Variants in SH3TC2 observed in about 807,000 individuals in gnomAD.
SH3TC2 encodes the protein SH3 domain and tetratricopeptide repeat-containing protein 2.
A neutral mutation model predicts 124.5 loss-of-function variants in SH3TC2; 87 were observed. The observed-to-expected ratio is 0.70, with a 90% confidence interval of 0.59 to 0.84. The LOEUF (loss-of-function observed/expected upper bound fraction) is 0.84, where lower values mean the gene tolerates loss of function less well. Ranked by LOEUF, SH3TC2 falls within the 40% of genes least tolerant of loss-of-function variation. The pLI is 0.00. For missense variants in SH3TC2, 1,536 were observed against 1,566.4 expected, an observed-to-expected ratio of 0.98 and a Z score of 0.33; for synonymous variants, 634 against 628.5, an observed-to-expected ratio of 1.01 and a Z score of -0.13.
At chr5:149,045,372 AT>A (rs1754441280) in intron 3 of SH3TC2, 1 of 152,160 alleles carries the variant, frequency 6.6e-6, no homozygotes, top group South Asian at 2.1e-4. Context: ...AATTATTATC[AT>A]TTTCTTATGG....
chr5:148,988,250 T>C lies in SH3TC2; in HGVS notation c.*16461A>G, dbSNP rs1006880290. 1.3e-5 allele frequency among the ~76,000 whole-genome samples: 2 copies of C among 152,132 alleles called. No homozygotes were observed. Among genetic ancestry groups the C allele is most frequent in the African/African-American group, 4.8e-5 (2 of 41,428 alleles). On this transcript the variant is annotated 3_prime_UTR_variant, in exon 17 of 17. Coordinates refer to ENST00000515425, the MANE Select transcript of SH3TC2 (RefSeq NM_024577.4). The stretch of plus-strand genomic sequence containing the variant: ...CTTCTCCCATGGACATGAAAATCAT[T>C]ATCAAAAATCCTACCCCAGATGGGA...
chr5:149,015,807 T>C (rs1460840332), intron 12 of SH3TC2, among the ~76,000 whole-genome samples: 1 of 152,196 alleles, frequency 6.6e-6, no homozygotes, highest in Non-Finnish European at 1.5e-5. Context: ...TAATTGGTCA[T>C]GTCCTGTTTT....
intron 1 of SH3TC2, among the ~76,000 whole-genome samples, chr5:149,055,466 G>A (rs1457602958): frequency 2.0e-5 from 3 of 151,000 alleles, no homozygotes; most frequent in African/African-American, 4.9e-5. Context: ...AACCACAATG[G>A]AACACAACTA....
At chr5:149,019,148 A>C (rs1753926990) in intron 12 of SH3TC2, among the ~76,000 whole-genome samples, 3 of 152,190 alleles carry the variant, frequency 2.0e-5, no homozygotes, top group African/African-American at 7.2e-5. Context: ...ACATGTGTTT[A>C]TGTTCTTTTG....
Position 149,026,637 on chromosome 5 carries a change from G to A in SH3TC2, c.2988C>T (p.Asp996=), listed in dbSNP as rs2127396872. Reference sequence around the variant, plus strand: ...CCAGCAGCCTCCCTTCCATCTCCCGGTCCCTGAGTTGCTGAGCCAGGGCCA... The same window carrying A: ...CCAGCAGCCTCCCTTCCATCTCCCGATCCCTGAGTTGCTGAGCCAGGGCCA... The part of the protein sequence containing the change: ...HWLALAQQLR[D]REMEGRLLES... The change falls in exon 12 of 17, where the codon GAC becomes GAT. Residue 996 remains aspartate, a synonymous_variant. Transcript: ENST00000515425. 1 of 1,614,148 alleles carries A rather than the reference G, an allele frequency of 6.2e-7. No homozygotes were observed. Among genetic ancestry groups the A allele is most frequent in the South Asian group, 1.1e-5 (1 of 91,078 alleles).
chr5:149,009,408 A>G (rs1297385134), intron 14 of SH3TC2, among the ~76,000 whole-genome samples: 1 of 152,114 alleles, frequency 6.6e-6, no homozygotes, highest in East Asian at 1.9e-4. Context: ...CTATGTTTTT[A>G]TCATGATAGA....
intron 3 of SH3TC2, 25 bp downstream of exon 3, chr5:149,047,837 A>T: frequency 6.2e-7 from 1 of 1,613,590 alleles, no homozygotes; most frequent in African/African-American, 1.3e-5. Flanking sequence ...AGTACTCAGC[A>T]TTCACCTGTT....
In SH3TC2 at chr5:149,012,585, T is replaced by G; in HGVS notation, c.3203A>C (p.Gln1068Pro). 3.7e-6 allele frequency: 6 copies of G among 1,614,118 alleles called. No homozygotes were observed. The highest frequency in any genetic ancestry group is 5.1e-6 in the Non-Finnish European group (6 of 1,180,004). ...CAGAGAGCTCTGCAGGAGGCCTACC[T>G]GCAGGCACAGCTCCACCAGCTCGTC... Reference protein sequence around the residue: ...QEDELVELCLQAAIQTALKSE... With the variant: ...QEDELVELCLPAAIQTALKSE... Residue 1068 changes from glutamine (Q) to proline (P), a missense_variant and splice_region_variant, in exon 13 of 17, where the codon CAG becomes CCG. By Grantham distance (76) the Gln-to-Pro change is moderately conservative. Around this residue, in one of 3 missense-constraint regions of SH3TC2, gnomAD observed 426 missense variants for 443.5 expected, o/e 0.96. Transcript: ENST00000515425.
At chr5:149,008,689 TAGAAGTTAAGCAACTTGC>T (rs1753732020) in intron 15 of SH3TC2, 144 bp downstream of exon 15, 5 of 940,054 alleles carry the variant, frequency 5.3e-6, no homozygotes, top group Non-Finnish European at 6.8e-6. Flanking sequence ...TTGAGGCTTA[TAGAAGTTAAGCAACTTGC>T]TTAACTAAGG....
In SH3TC2 at chr5:149,059,033, G is replaced by A. The variant is rs145768074; in HGVS notation, c.52+3938C>T. Among the ~76,000 whole-genome samples the A allele has an allele frequency of 1.2e-3, 178 of 152,192 alleles. 2 individuals are homozygous for A. In the East Asian group the frequency reaches 0.03, roughly 26 times the overall value. On this transcript the variant is annotated intron_variant, in intron 1 of 16. Coordinates refer to ENST00000515425, the MANE Select transcript of SH3TC2 (RefSeq NM_024577.4). ...GAAGTGAGGGCATAGAGTGAATGAG[G>A]CTATATTTTTAAACAAGAAAAGAGA...
In SH3TC2 at chr5:149,028,523, C is replaced by G. The variant is rs1212536660; in HGVS notation, c.1209G>C (p.Arg403Ser). The G allele has an allele frequency of 1.2e-6, 2 of 1,613,964 alleles. No individual in the cohort carries two copies. Among genetic ancestry groups the G allele is most frequent in the Non-Finnish European group, 1.7e-6 (2 of 1,179,908 alleles). Residue 403 changes from arginine to serine, a missense_variant, in exon 11 of 17, where the codon AGG (arginine) becomes AGC (serine). This residue lies in a region of SH3TC2 where 1,102 missense variants were observed against 1,098.6 expected (regional missense o/e 1.00). Coordinates refer to ENST00000515425, the MANE Select transcript of SH3TC2 (RefSeq NM_024577.4). Reference protein sequence around the residue: ...ASQPEGFKEVRPGRAWEEHQA... With the variant: ...ASQPEGFKEVSPGRAWEEHQA... Reference sequence around the variant, plus strand: ...GATGCTCCTCCCAGGCTCTGCCAGGCCTGACCTCCTTGAAACCTTCAGGCT... The same window carrying G: ...GATGCTCCTCCCAGGCTCTGCCAGGGCTGACCTCCTTGAAACCTTCAGGCT...
chr5:149,001,580 C>T lies in SH3TC2; in HGVS notation c.*3131G>A, dbSNP rs1753598354. On this transcript the variant is annotated 3_prime_UTR_variant, in exon 17 of 17. Coordinates refer to ENST00000515425, the MANE Select transcript of SH3TC2 (RefSeq NM_024577.4). ...CATGTTTCCAAAGGGAATAGCTGGC[C>T]CACATTTCAAAAATGAAAATTTTAA... is the stretch of plus-strand genomic sequence containing the variant. 1 of 151,932 alleles carries T rather than the reference C, an allele frequency of 6.6e-6. No individual in the cohort carries two copies. The highest frequency in any genetic ancestry group is 2.1e-4 in the South Asian group (1 of 4,806). The allele number at this position is 151,932 out of a possible 1,614,324, so 9.4% of individuals were successfully genotyped here. A position where few individuals can be genotyped will look rare whatever the true frequency, so the allele number is the denominator to read the frequency against.
rs1298362201 is a variant in SH3TC2 at position 149,063,024 on chromosome 5, T to A, written c.-2A>T. 1.3e-6 allele frequency: 2 copies of A among 1,599,954 alleles called. No homozygotes were observed. Among genetic ancestry groups the A allele is most frequent in the East Asian group, 2.3e-5 (1 of 44,424 alleles). On this transcript the variant is annotated 5_prime_UTR_variant, in exon 1 of 17. Transcript: ENST00000515425. ...GGGGATGCAGAAGCAGCCACCCATG[T>A]GTGTACCATCCTACCCTGGCCGAGG...
intron 3 of SH3TC2, chr5:149,046,692 GAC>G (rs1399301698): frequency 6.6e-6 from 1 of 152,200 alleles, no homozygotes; most frequent in East Asian, 1.9e-4. Context: ...AAGTATGTCT[GAC>G]TCAAGCTTCA....
At chr5:149,053,036 C>T (rs1384797158) in intron 1 of SH3TC2, among the ~76,000 whole-genome samples, 1 of 152,154 alleles carries the variant, frequency 6.6e-6, no homozygotes, top group East Asian at 1.9e-4. Context: ...TTCCATAAAA[C>T]TGTTCAAGAA....
intron 12 of SH3TC2, among the ~76,000 whole-genome samples, chr5:149,021,851 G>GGA (rs1415745403): frequency 1.4e-5 from 2 of 142,406 alleles, no homozygotes; most frequent in Non-Finnish European, 3.0e-5. Flanking sequence ...AATGTTTAAA[G>GGA]GAGAATTAAC....
Position 148,998,640 on chromosome 5 carries a change from C to T in SH3TC2, c.*6071G>A. On this transcript the variant is annotated 3_prime_UTR_variant, in exon 17 of 17. Transcript: ENST00000515425. ...TACTGGGAAGCCAAGCCAAGCAGCCCCACTGTGCAGTCCTGGCCACGCAAG... is the reference window on the plus strand; with the variant it reads ...TACTGGGAAGCCAAGCCAAGCAGCCTCACTGTGCAGTCCTGGCCACGCAAG... Among the ~76,000 whole-genome samples, 1 of 152,222 alleles carries T rather than the reference C, an allele frequency of 6.6e-6. No individual in the cohort carries two copies. The highest frequency in any genetic ancestry group is 3.2e-3 in the Middle Eastern group (1 of 316).
In SH3TC2 at chr5:148,999,813, C is replaced by T. The variant is rs1410765343; in HGVS notation, c.*4898G>A. On this transcript the variant is annotated 3_prime_UTR_variant, in exon 17 of 17. Coordinates refer to ENST00000515425, the MANE Select transcript of SH3TC2 (RefSeq NM_024577.4). ...ACAAATCTGACCATGTTTCTTTCAA[C>T]TGCTTATAATCCTTCTATACCTTCC... Among the ~76,000 whole-genome samples, 2 of 152,148 alleles carry T rather than the reference C, an allele frequency of 1.3e-5. No individual in the cohort carries two copies. The highest frequency in any genetic ancestry group is 1.3e-4 in the Admixed American group (2 of 15,274).
In SH3TC2 at chr5:149,027,920, G is replaced by C; in HGVS notation, c.1812C>G (p.Asp604Glu). 2 of 1,614,060 alleles carry C rather than the reference G, an allele frequency of 1.2e-6. No homozygotes were observed. The highest frequency in any genetic ancestry group is 1.7e-6 in the Non-Finnish European group (2 of 1,180,040). ...KAGALLACLP[D>E]RESSAKHELD... The stretch of plus-strand genomic sequence containing the variant: ...GTTCATGCTTGGCACTAGACTCACG[G>C]TCAGGCAGGCAGGCCAGCAGGGCAC... Residue 604 changes from aspartate (D) to glutamate (E), a missense_variant, in exon 11 of 17, where the codon GAC becomes GAG. Physicochemically the swap from Asp to Glu is conservative, Grantham distance 45 (BLOSUM62 2). Transcript: ENST00000515425.
Sources: gnomAD v4.1 joint callset for allele counts (sites outside exome capture counted in the v4.1 genomes callset) on GRCh38, gnomAD v4.1.1 for gene constraint, gnomAD v4.1.1 regional missense constraint, MANE v1.5 for transcripts, NCBI Gene and HGNC (gene_info 2026-07-23, HGNC 2026-07-21) for gene names.